BARD1: variants seen among roughly 807,000 people sequenced by gnomAD.
The protein encoded by BARD1 is BRCA1 associated RING domain 1.
In BARD1, 73 loss-of-function variants were observed where a neutral mutation model predicts 77.0. The ratio of observed to expected loss-of-function variants is 0.95; its 90% CI spans 0.79 to 1.15. The LOEUF (loss-of-function observed/expected upper bound fraction) is 1.15. BARD1 is among the 50% of genes most tolerant of loss of function. The probability of loss-of-function intolerance (pLI) is 0.00; values close to 1 mark genes in which losing one functional copy is unlikely to be tolerated. For synonymous variants in BARD1, 384 were observed against 338.0 expected (o/e 1.14, Z -1.49); for missense variants, 993 against 938.8 (o/e 1.06, Z -0.75).
intron 4 of BARD1, among the ~76,000 whole-genome samples, chr2:214,775,148 A>T (rs1176847501): frequency 1.3e-5 from 2 of 152,088 alleles, no homozygotes; most frequent in Non-Finnish European, 2.9e-5. Context: ...TACTTAAAGA[A>T]TTTTTTCTTT....
In BARD1 at chr2:214,792,293, T is replaced by C. The variant is rs2106134386; in HGVS notation, c.364+4A>G. 1 of 1,613,250 alleles carries C rather than the reference T, an allele frequency of 6.2e-7. No individual in the cohort carries two copies. The highest frequency in any genetic ancestry group is 1.1e-5 in the South Asian group (1 of 91,050). ...TAACTAAGAGAGATAGGGATAGTTCTTACCTGACAGCTCATTGTCATGTAG... is the reference window on the plus strand; with the variant it reads ...TAACTAAGAGAGATAGGGATAGTTCCTACCTGACAGCTCATTGTCATGTAG... On this transcript the variant is annotated splice_donor_region_variant and intron_variant, in intron 3 of 10. Coordinates refer to ENST00000260947, the MANE Select transcript of BARD1 (RefSeq NM_000465.4).
At position 214,745,777 on chromosome 2, in the gene BARD1, G is replaced by A. The variant is rs2106020941; in HGVS notation, c.1755C>T (p.Leu585=). The A allele has an allele frequency of 6.2e-7, 1 of 1,614,026 alleles. No homozygotes were observed. The highest frequency in any genetic ancestry group is 1.1e-5 in the South Asian group (1 of 91,082). Residue 585 remains leucine, a synonymous_variant, in exon 8 of 11, where the codon CTC becomes CTT. Transcript: ENST00000260947. Reference sequence around the variant, plus strand: ...CCTTAAGAATTACTGCAAGCTCACTGAGCATTTTCTGTTGTTCTGAAGACA... The same window carrying A: ...CCTTAAGAATTACTGCAAGCTCACTAAGCATTTTCTGTTGTTCTGAAGACA... ...SGLSSEQQKM[L]SELAVILKAK...
rs1173795455 is a variant in BARD1 at position 214,784,230 on chromosome 2, A to T, written c.365-2721T>A. Among the ~76,000 whole-genome samples, 4 of 152,286 alleles carry T rather than the reference A, an allele frequency of 2.6e-5. No homozygotes were observed. The South Asian group carries it at 8.3e-4, about 32-fold the overall frequency. On this transcript the variant is annotated intron_variant, in intron 3 of 10. Transcript: ENST00000260947. The stretch of plus-strand genomic sequence containing the variant: ...CAAAAAGTGGGCGAAGGATATAAAC[A>T]GATACTTCTCAAAAGAAGACATTTA...
chr2:214,788,210 C>A (rs1274549126), intron 3 of BARD1, among the ~76,000 whole-genome samples: 1 of 151,436 alleles, frequency 6.6e-6, no homozygotes, highest in Non-Finnish European at 1.5e-5. Flanking sequence ...GTCACCAACA[C>A]CGACATGTTT....
intron 10 of BARD1, chr2:214,730,090 T>C (rs983796930): frequency 1.6e-5 from 6 of 377,624 alleles, no homozygotes; most frequent in African/African-American, 6.2e-5. Flanking sequence ...TATGTGGCCA[T>C]AGAGACATAT....
intron 9 of BARD1, among the ~76,000 whole-genome samples, chr2:214,743,731 G>A (rs1451764839): frequency 6.6e-6 from 1 of 152,112 alleles, no homozygotes; most frequent in Non-Finnish European, 1.5e-5. Flanking sequence ...TTACAGGCAT[G>A]TGCCACCACG....
Position 214,730,421 on chromosome 2 carries a change from C to T in BARD1, c.1991G>A (p.Arg664Lys), listed in dbSNP as rs1574706698. Residue 664 changes from arginine to lysine, a missense_variant, in exon 10 of 11, where the codon AGA becomes AAA. Arg to Lys is a conservative substitution (Grantham distance 26). Coordinates refer to ENST00000260947, the MANE Select transcript of BARD1 (RefSeq NM_000465.4). Reference protein sequence around the residue: ...PEGPRRSRLNREQLLPKLFDG... With the variant: ...PEGPRRSRLNKEQLLPKLFDG... ...TTAAAAGAAAAATACCAGCTGTTCT[C>T]TGTTGAGCCTGCTTCTGCGTGGACC... 2 of 1,613,456 alleles carry T rather than the reference C, an allele frequency of 1.2e-6. No homozygotes were observed. The highest frequency in any genetic ancestry group is 1.7e-6 in the Non-Finnish European group (2 of 1,179,480).
At chr2:214,799,070 T>C (rs543576027) in intron 1 of BARD1, among the ~76,000 whole-genome samples, 9 of 152,242 alleles carry the variant, frequency 5.9e-5, no homozygotes, top group African/African-American at 2.2e-4. Context: ...TGAGCCAAGA[T>C]TGAGCCACTG....
chr2:214,730,981 T>C (rs1692329480), intron 9 of BARD1: 2 of 451,232 alleles, frequency 4.4e-6, no homozygotes, highest in Non-Finnish European at 8.9e-6. Flanking sequence ...CATGAAGGAA[T>C]GTGCTTTAGT....
chr2:214,795,462 A>C (rs1695717547), intron 2 of BARD1, among the ~76,000 whole-genome samples: 1 of 152,108 alleles, frequency 6.6e-6, no homozygotes, highest in East Asian at 1.9e-4. Context: ...TTTTAACTGC[A>C]ATAGGAACCC....
chr2:214,781,406 A>G lies in BARD1; in HGVS notation c.468T>C (p.Tyr156=), dbSNP rs1436038663. 1.2e-6 allele frequency: 2 copies of G among 1,613,510 alleles called. No individual in the cohort carries two copies. Among genetic ancestry groups the G allele is most frequent in the Admixed American group, 1.7e-5 (1 of 59,966 alleles). The change falls in exon 4 of 11, where the codon TAT becomes TAC. Residue 156 remains tyrosine, a synonymous_variant. Transcript: ENST00000260947. ...TTTGCACTGAAGCTTTACTCACAAC[A>G]TATCTGACTTTCTTACTTCGAGGGC... ...WFSPRSKKVR[Y]VVSKASVQTQ...
chr2:214,750,710 G>T (rs1574750261), intron 7 of BARD1, among the ~76,000 whole-genome samples: 1 of 152,108 alleles, frequency 6.6e-6, no homozygotes, highest in Admixed American at 6.6e-5. Flanking sequence ...TAAGACACAG[G>T]GGAAGTCCAC....
intron 3 of BARD1, among the ~76,000 whole-genome samples, chr2:214,782,522 T>A (rs563527145): frequency 6.6e-6 from 1 of 151,872 alleles, no homozygotes; most frequent in African/African-American, 2.4e-5. Flanking sequence ...AAATATAGAT[T>A]TATAATCAAG....
chr2:214,768,736 A>G (rs898311235), intron 5 of BARD1, among the ~76,000 whole-genome samples: 2 of 152,228 alleles, frequency 1.3e-5, no homozygotes, highest in Non-Finnish European at 2.9e-5. Flanking sequence ...TTTTAGTAAT[A>G]ATAAGCAAAG....
intron 7 of BARD1, among the ~76,000 whole-genome samples, chr2:214,746,711 C>T (rs1437991123): frequency 6.6e-6 from 1 of 152,092 alleles, no homozygotes; most frequent in Non-Finnish European, 1.5e-5. Flanking sequence ...AACCTAAACG[C>T]TATAAACCCT....
At chr2:214,737,136 C>T (rs1692602506) in intron 9 of BARD1, among the ~76,000 whole-genome samples, 1 of 152,006 alleles carries the variant, frequency 6.6e-6, no homozygotes, top group Admixed American at 6.6e-5. Flanking sequence ...CCTACAAAAG[C>T]CAGGTAGATT....
At chr2:214,771,368 CT>C (rs1431656632) in intron 4 of BARD1, among the ~76,000 whole-genome samples, 7 of 152,070 alleles carry the variant, frequency 4.6e-5, no homozygotes, top group Non-Finnish European at 7.4e-5. Flanking sequence ...TTTTTTTCCT[CT>C]GTTGGTTTGA....
Position 214,809,605 on chromosome 2 carries a change from G to A in BARD1, c.-36C>T, listed in dbSNP as rs1383128706. Reference sequence around the variant, plus strand: ...TCGGATGAAAGGCTCCTCGCAGAGCGGGAAGCAAGGAAGCCTCGGGAAACC... The same window carrying A: ...TCGGATGAAAGGCTCCTCGCAGAGCAGGAAGCAAGGAAGCCTCGGGAAACC... On this transcript the variant is annotated 5_prime_UTR_variant, in exon 1 of 11. Transcript: ENST00000260947. The A allele has an allele frequency of 3.9e-6, 6 of 1,526,026 alleles. No individual in the cohort carries two copies. The highest frequency in any genetic ancestry group is 3.6e-5 in the South Asian group (3 of 84,044). 94.5% of individuals were successfully genotyped at this position (1,526,026 alleles called of 1,614,324 possible).
chr2:214,760,094 TCA>T (rs761705482), intron 6 of BARD1, among the ~76,000 whole-genome samples: 1 of 152,210 alleles, frequency 6.6e-6, no homozygotes, highest in Non-Finnish European at 1.5e-5. Flanking sequence ...AAAAAAGCTC[TCA>T]GTTATCTTTA....
Sources: gnomAD v4.1 joint callset for allele counts (sites outside exome capture counted in the v4.1 genomes callset) on GRCh38, gnomAD v4.1.1 for gene constraint, MANE v1.5 for transcripts, NCBI Gene and HGNC (gene_info 2026-07-23, HGNC 2026-07-21) for gene names.